Variants in DRP2 observed in about 807,000 individuals in gnomAD.
DRP2 encodes dystrophin-related protein 2.
DRP2 carries 29 observed loss-of-function variants against 78.2 expected under a neutral mutation model. That is an observed-to-expected ratio of 0.37 (90% CI 0.28 to 0.51). The LOEUF (loss-of-function observed/expected upper bound fraction) is 0.51. Ranked by LOEUF, DRP2 falls within the 20% of genes least tolerant of loss-of-function variation. The pLI, the probability that DRP2 is intolerant of heterozygous loss-of-function variation, is 0.94. For missense variants in DRP2, 686 were observed against 770.6 expected (o/e 0.89, Z 1.30); for synonymous variants, 290 against 281.9 (o/e 1.03, Z -0.29).
At chrX:101,250,689 A>G in intron 15 of DRP2, 109 bp downstream of exon 15, 3 of 1,044,884 alleles carry the variant, frequency 2.9e-6, no homozygotes, top group Middle Eastern at 2.7e-4. Context: ...CGCAGATGCA[A>G]GGGAGTTTAT....
chrX:101,223,090 C>T (rs766460727), intron 1 of DRP2, among the ~76,000 whole-genome samples: 5 of 111,293 alleles, frequency 4.5e-5, no homozygotes, highest in Admixed American at 1.9e-4. Context: ...GATCATAGCT[C>T]ACTGCAGTCT....
chrX:101,230,420 G>A (rs897674037), intron 2 of DRP2, among the ~76,000 whole-genome samples: 3 of 111,372 alleles, frequency 2.7e-5, no homozygotes, highest in Non-Finnish European at 5.7e-5. Context: ...CAGCTACTCA[G>A]GAGGCTGAGG....
intron 18 of DRP2, 96 bp from the exon 19 acceptor site, chrX:101,254,763 G>C: frequency 2.7e-6 from 3 of 1,118,509 alleles, no homozygotes; most frequent in Non-Finnish European, 3.7e-6. Context: ...GTTCCCATCA[G>C]CTCTTGCCCA....
intron 16 of DRP2, 192 bp downstream of exon 16, chrX:101,251,275 T>C: frequency 2.3e-6 from 1 of 439,412 alleles, no homozygotes; most frequent in Non-Finnish European, 3.6e-6. Context: ...TGAGGAAATA[T>C]TTTGTTTTAG....
chrX:101,239,207 A>G (rs1922625099), intron 6 of DRP2, 106 bp downstream of exon 6: 1 of 1,016,206 alleles, frequency 9.8e-7, no homozygotes, highest in Non-Finnish European at 1.3e-6. Flanking sequence ...CCTGTTATCT[A>G]GGAGGATAGT....
Position 101,260,921 on chromosome X carries a change from A to T in DRP2, c.*300A>T, listed in dbSNP as rs907688632. The T allele has an allele frequency of 4.1e-6, 1 of 245,192 alleles. No homozygotes were observed. The highest frequency in any genetic ancestry group is 2.8e-5 in the African/African-American group (1 of 35,794). The allele number at this position is 245,192 out of a possible 1,213,427, so 20.2% of individuals were successfully genotyped here. A position where few individuals can be genotyped will look rare whatever the true frequency, so the allele number is the denominator to read the frequency against. The stretch of plus-strand genomic sequence containing the variant: ...AGGCAAATATCACTTGGCCATTCAG[A>T]TGGGGAGCAGAGAAGCTGCCTTGCA... On this transcript the variant is annotated 3_prime_UTR_variant, in exon 24 of 24. Transcript: ENST00000395209.
At chrX:101,233,326 C>T (rs1922374027) in intron 3 of DRP2, among the ~76,000 whole-genome samples, 1 of 111,364 alleles carries the variant, frequency 9.0e-6, no homozygotes, top group Non-Finnish European at 1.9e-5. Context: ...CTGGACATTC[C>T]CAGTGCAGAG....
In DRP2 at chrX:101,263,021, T is replaced by A. The variant is rs61243377; in HGVS notation, c.*2400T>A. 9.0e-6 allele frequency: 1 copy of A among 111,574 alleles called. No individual in the cohort carries two copies. The highest frequency in any genetic ancestry group is 2.8e-4 in the East Asian group (1 of 3,552). The allele number at this position is 111,574 out of a possible 1,213,427, so 9.2% of individuals were successfully genotyped here. Reference sequence around the variant, plus strand: ...CCAGGCATGGTAGAAAAGATGTAGATCTTGTTATGTAGGATTTGCGTTGTA... The same window carrying A: ...CCAGGCATGGTAGAAAAGATGTAGAACTTGTTATGTAGGATTTGCGTTGTA... On this transcript the variant is annotated 3_prime_UTR_variant, in exon 24 of 24. Transcript: ENST00000395209.
In DRP2 at chrX:101,238,971, A is replaced by C. The variant is rs1922609552; in HGVS notation, c.439-10A>C. On this transcript the variant is annotated splice_polypyrimidine_tract_variant and intron_variant, in intron 5 of 23. Coordinates refer to ENST00000395209, the MANE Select transcript of DRP2 (RefSeq NM_001939.3). ...TCCTTTCCTGTTGACCATATTGCTA[A>C]ACTTTATAGGCCTTTATGGAAGAAG... 3 of 1,207,094 alleles carry C rather than the reference A, an allele frequency of 2.5e-6. No homozygotes were observed. Among genetic ancestry groups the C allele is most frequent in the Non-Finnish European group, 3.4e-6 (3 of 893,439 alleles).
rs1923173033 is a variant in DRP2, at chrX:101,252,513, CTG to C, written c.1866-84_1866-83del. On this transcript the variant is annotated intron_variant, in intron 16 of 23. Transcript: ENST00000395209. Reference sequence around the variant, plus strand: ...TCCATGCCTCATTCATCCCCTTCTACTGTGTGTGTATATTTTAATGTTAGGGG... The same window carrying C: ...TCCATGCCTCATTCATCCCCTTCTACTGTGTGTATATTTTAATGTTAGGGG... 7 of 692,382 alleles carry C rather than the reference CTG, an allele frequency of 1.0e-5. No individual in the cohort carries two copies. The South Asian group carries it at 1.6e-4, about 15-fold the overall frequency. 57.1% of individuals were successfully genotyped at this position (692,382 alleles called of 1,213,427 possible). A position where few individuals can be genotyped will look rare whatever the true frequency, so the allele number is the denominator to read the frequency against.
chrX:101,241,272 A>G (rs1181047492), intron 6 of DRP2, among the ~76,000 whole-genome samples: 1 of 111,983 alleles, frequency 8.9e-6, no homozygotes, highest in South Asian at 3.7e-4. Context: ...ACACATACAC[A>G]CACGAATACA....
Position 101,260,683 on chromosome X carries a change from T to G in DRP2, c.*62T>G. On this transcript the variant is annotated 3_prime_UTR_variant, in exon 24 of 24. Transcript: ENST00000395209. The stretch of plus-strand genomic sequence containing the variant: ...TCCTGGTTCCGGTCAAAGCCTTTCC[T>G]CAGCCTTCACCCAACCTTTCCAGTT... The G allele has an allele frequency of 8.7e-7, 1 of 1,152,471 alleles. No homozygotes were observed. Among genetic ancestry groups the G allele is most frequent in the Non-Finnish European group, 1.2e-6 (1 of 863,034 alleles). 95.0% of individuals were successfully genotyped at this position (1,152,471 alleles called of 1,213,427 possible). A position where few individuals can be genotyped will look rare whatever the true frequency, so the allele number is the denominator to read the frequency against.
At chrX:101,256,359 C>A in intron 21 of DRP2, 98 bp downstream of exon 21, 2 of 841,645 alleles carry the variant, frequency 2.4e-6, no homozygotes, top group South Asian at 3.1e-5. Flanking sequence ...TGACCTTGAG[C>A]AAGTTACTTA....
intron 14 of DRP2, among the ~76,000 whole-genome samples, chrX:101,249,342 T>C (rs1322460712): frequency 1.8e-5 from 2 of 112,397 alleles, no homozygotes; most frequent in Non-Finnish European, 3.8e-5. Context: ...ATGACAGCAG[T>C]CTGGAAAAAC....
At chrX:101,237,840 T>C (rs1922567855) in intron 5 of DRP2, 65 bp downstream of exon 5, 2 of 1,008,911 alleles carry the variant, frequency 2.0e-6, no homozygotes, top group East Asian at 6.8e-5. Context: ...CCTTCTTCAG[T>C]ACCCTGACAG....
chrX:101,243,295 G>A (rs1041627473), intron 9 of DRP2, among the ~76,000 whole-genome samples: 31 of 108,176 alleles, frequency 2.9e-4, no homozygotes, highest in Admixed American at 1.3e-3. Context: ...GCATGGTGGC[G>A]GGTGCCTGTA....
At chrX:101,243,397 CAAAAA>C (rs768951598) in intron 9 of DRP2, among the ~76,000 whole-genome samples, 1 of 29,125 alleles carries the variant, frequency 3.4e-5, no homozygotes, top group Non-Finnish European at 6.1e-5. Context: ...AACTCCGTCT[CAAAAA>C]AAAAAAAAAA....
At chrX:101,249,671 C>A (rs187643511) in intron 14 of DRP2, among the ~76,000 whole-genome samples, 1 of 111,069 alleles carries the variant, frequency 9.0e-6, no homozygotes, top group Non-Finnish European at 1.9e-5. Flanking sequence ...AGTAATGGAC[C>A]CAAAACTCGA....
rs73635568 is a variant in DRP2, at chrX:101,258,196, G to A, written c.2391-113G>A. 7.3e-3 allele frequency: 4,483 copies of A among 618,155 alleles called. 123 individuals carry two copies. In the African/African-American group the frequency reaches 0.074, roughly 10 times the overall value. 50.9% of individuals were successfully genotyped at this position (618,155 alleles called of 1,213,427 possible). The stretch of plus-strand genomic sequence containing the variant: ...GGGTGGGGATGGGGGTGGGGGTGAG[G>A]TAGGGTGGAAGAGCACAGGGATTGT... On this transcript the variant is annotated intron_variant, in intron 21 of 23. Coordinates refer to ENST00000395209, the MANE Select transcript of DRP2 (RefSeq NM_001939.3).
Sources: gnomAD v4.1 joint callset for allele counts (sites outside exome capture counted in the v4.1 genomes callset) on GRCh38, gnomAD v4.1.1 for gene constraint, MANE v1.5 for transcripts, NCBI Gene and HGNC (gene_info 2026-07-23, HGNC 2026-07-21) for gene names.